CTR9: variants seen among roughly 807,000 people sequenced by gnomAD.
The protein encoded by CTR9 is CTR9 component of Paf1/RNA polymerase II complex, also known as RNA polymerase-associated protein CTR9 homolog.
In CTR9, 41 loss-of-function variants were observed where a neutral mutation model predicts 152.1. That is an observed-to-expected ratio of 0.27 (90% CI 0.21 to 0.35). The LOEUF is 0.35. Among genes scored for constraint, CTR9 ranks in the 10% least tolerant of loss-of-function variants. The pLI is 1.00. For missense variants in CTR9, 917 were observed against 1,424.4 expected (o/e 0.64, Z 5.73); for synonymous variants, 476 against 496.2 (o/e 0.96, Z 0.54).
At position 10,764,616 on chromosome 11, in the gene CTR9, C is replaced by T; in HGVS notation, c.1482C>T (p.Ala494=). The change falls in exon 12 of 25, where the codon GCC becomes GCT. Residue 494 remains alanine, a synonymous_variant. Transcript: ENST00000361367. ...EAEHDEHYYN[A]ISVTTSYNLA... The stretch of plus-strand genomic sequence containing the variant: ...AACACGATGAGCATTACTATAACGC[C>T]ATTTCCGTTACCACGTCATATAATC... The T allele has an allele frequency of 6.2e-6, 10 of 1,613,500 alleles. No homozygotes were observed. The highest frequency in any genetic ancestry group is 8.5e-6 in the Non-Finnish European group (10 of 1,179,610).
intron 19 of CTR9, 116 bp from the exon 20 acceptor site, chr11:10,772,404 A>G (rs1285260287): frequency 4.6e-6 from 4 of 861,366 alleles, no homozygotes; most frequent in Non-Finnish European, 6.4e-6. Flanking sequence ...AAGACTTCAC[A>G]TAGATCAGCT....
rs372911392 is a variant in CTR9 at position 10,751,365 on chromosome 11, G to T, written c.-48G>T. ...GGATTAGCCTGAAGCGGAGACTACC[G>T]GCTGCGGAGCGGCGGGGCGAGACAC... is the stretch of plus-strand genomic sequence containing the variant. On this transcript the variant is annotated 5_prime_UTR_variant, in exon 1 of 25. Coordinates refer to ENST00000361367, the MANE Select transcript of CTR9 (RefSeq NM_014633.5). The T allele has an allele frequency of 8.7e-6, 14 of 1,607,348 alleles. No homozygotes were observed. The highest frequency in any genetic ancestry group is 7.7e-5 in the South Asian group (7 of 90,912).
At position 10,773,169 on chromosome 11, in the gene CTR9, T is replaced by C. The variant is rs756534851; in HGVS notation, c.2623T>C (p.Leu875=). ...AGAAAAGGAAGAGCAAAAGAAACTT[T>C]TGGAACAGCGGGCCCAGTATGTGGA... ...LREKEEQKKL[L]EQRAQYVEKT... The change falls in exon 21 of 25, where the codon TTG becomes CTG. Residue 875 remains leucine (L), a synonymous_variant. Transcript: ENST00000361367. 1 of 1,610,936 alleles carries C rather than the reference T, an allele frequency of 6.2e-7. No individual in the cohort carries two copies. The highest frequency in any genetic ancestry group is 8.5e-7 in the Non-Finnish European group (1 of 1,179,388).
intron 11 of CTR9, 32 bp from the exon 12 acceptor site, chr11:10,764,516 T>G (rs779675534): frequency 2.5e-6 from 4 of 1,604,522 alleles, no homozygotes; most frequent in Non-Finnish European, 3.4e-6. Flanking sequence ...ATAAACTAAA[T>G]CTTTTAACAG....
At chr11:10,758,712 C>T (rs982397567) in intron 5 of CTR9, among the ~76,000 whole-genome samples, 48 of 151,264 alleles carry the variant, frequency 3.2e-4, no homozygotes, top group African/African-American at 1.1e-3. Context: ...CAATTTCTGC[C>T]TTTTTTTTTC....
At chr11:10,768,998 G>A (rs186162093) in intron 16 of CTR9, among the ~76,000 whole-genome samples, 1 of 152,226 alleles carries the variant, frequency 6.6e-6, no homozygotes, top group Admixed American at 6.5e-5. Flanking sequence ...TGAGGCGGAT[G>A]GATCACGAGG....
At chr11:10,772,760 C>G (rs1863164712) in intron 20 of CTR9, 105 bp downstream of exon 20, 2 of 1,184,172 alleles carry the variant, frequency 1.7e-6, no homozygotes, top group African/African-American at 1.6e-5. Context: ...TGGCTGACAC[C>G]TCTAATTCCA....
rs1590027191 is a variant in CTR9 at position 10,773,980 on chromosome 11, A to G, written c.2728-32A>G. ...TCTAACCACATTCCACCAACCAGGA[A>G]ATAACTGACTATAGTGTTGTTTGGA... is the stretch of plus-strand genomic sequence containing the variant. On this transcript the variant is annotated intron_variant, in intron 21 of 24. Coordinates refer to ENST00000361367, the MANE Select transcript of CTR9 (RefSeq NM_014633.5). 8 of 1,545,466 alleles carry G rather than the reference A, an allele frequency of 5.2e-6. No homozygotes were observed. In the East Asian group the frequency reaches 1.8e-4, roughly 35 times the overall value.
chr11:10,773,892 A>AG (rs1863186031), intron 21 of CTR9, 120 bp from the exon 22 acceptor site: 3 of 717,040 alleles, frequency 4.2e-6, no homozygotes, highest in Non-Finnish European at 6.5e-6. Context: ...CTCAAAAAAA[A>AG]AAAAAAAAAA....
At position 10,767,463 on chromosome 11, in the gene CTR9, G is replaced by A. The variant is rs1202615806; in HGVS notation, c.1687-343G>A. Reference sequence around the variant, plus strand: ...CTGTTTTATTTAACAGTGCCTTGTTGCTTTGTATGCATTTATGTCTGGATG... The same window carrying A: ...CTGTTTTATTTAACAGTGCCTTGTTACTTTGTATGCATTTATGTCTGGATG... On this transcript the variant is annotated intron_variant, in intron 13 of 24. Transcript: ENST00000361367. This position sits in a 1 kb window ranked among gnomAD's most constrained non-coding sequence, Gnocchi z 4.0. 2 of 200,968 alleles carry A rather than the reference G, an allele frequency of 1.0e-5. No individual in the cohort carries two copies. Among genetic ancestry groups the A allele is most frequent in the African/African-American group, 4.7e-5 (2 of 42,536 alleles). 12.4% of individuals were successfully genotyped at this position (200,968 alleles called of 1,614,324 possible). A position where few individuals can be genotyped will look rare whatever the true frequency, so the allele number is the denominator to read the frequency against.
intron 2 of CTR9, among the ~76,000 whole-genome samples, chr11:10,754,293 CAT>C (rs2135355067): frequency 6.6e-6 from 1 of 152,318 alleles, no homozygotes; most frequent in South Asian, 2.1e-4. Context: ...TAGAATTCTT[CAT>C]ATCTTTCACT....
chr11:10,760,026 T>C, intron 5 of CTR9, 147 bp from the exon 6 acceptor site: 1 of 796,488 alleles, frequency 1.3e-6, no homozygotes, highest in Non-Finnish European at 2.0e-6. Context: ...ACCAAGTTTG[T>C]GATAGGTCAA....
intron 2 of CTR9, among the ~76,000 whole-genome samples, chr11:10,754,592 A>T (rs1862856171): frequency 6.6e-6 from 1 of 152,036 alleles, no homozygotes; most frequent in African/African-American, 2.4e-5. Flanking sequence ...CCCACCCCTA[A>T]TCCCTGTGCC....
At chr11:10,754,723 T>C (rs1158290747) in intron 2 of CTR9, among the ~76,000 whole-genome samples, 1 of 152,208 alleles carries the variant, frequency 6.6e-6, no homozygotes, top group African/African-American at 2.4e-5. Context: ...TTCAGCATAA[T>C]TATTTTGAGA....
At chr11:10,752,093 T>G (rs1451514921) in intron 1 of CTR9, among the ~76,000 whole-genome samples, 1 of 152,242 alleles carries the variant, frequency 6.6e-6, no homozygotes, top group African/African-American at 2.4e-5. Context: ...TCTTTTATTT[T>G]TATTTTTTTT....
rs1863169705 is a variant in CTR9 at position 10,773,075 on chromosome 11, C to T, written c.2581-52C>T. The stretch of plus-strand genomic sequence containing the variant: ...CTTAGGATGGTAGCCATTAATTTTT[C>T]ATCATAAGAAAATTTGCAGTGGGGT... On this transcript the variant is annotated intron_variant, in intron 20 of 24. Transcript: ENST00000361367. The T allele has an allele frequency of 4.5e-6, 7 of 1,565,084 alleles. No individual in the cohort carries two copies. The African/African-American group carries it at 8.3e-5, about 19-fold the overall frequency.
chr11:10,774,292 C>CT, intron 22 of CTR9, 123 bp downstream of exon 22: 1 of 1,181,484 alleles, frequency 8.5e-7, no homozygotes, highest in Non-Finnish European at 1.2e-6. Flanking sequence ...GCTTTTTGTG[C>CT]CCCCACTTCC....
In CTR9 at chr11:10,775,672, A is replaced by G. The variant is rs199655321; in HGVS notation, c.3095+39A>G. 8.0e-5 allele frequency: 110 copies of G among 1,368,184 alleles called. No homozygotes were observed. In the East Asian group the frequency reaches 2.5e-3, roughly 31 times the overall value. 84.8% of individuals were successfully genotyped at this position (1,368,184 alleles called of 1,614,324 possible). ...TCTTTGTAAATTCTTCTCATGATGT[A>G]GATAAATCAAAAGTGATTACTAATC... On this transcript the variant is annotated intron_variant, in intron 24 of 24. Coordinates refer to ENST00000361367, the MANE Select transcript of CTR9 (RefSeq NM_014633.5).
chr11:10,774,401 A>G (rs1863197383), intron 22 of CTR9: 1 of 356,174 alleles, frequency 2.8e-6, no homozygotes, highest in African/African-American at 2.1e-5. Flanking sequence ...CAAGTTAGTC[A>G]TAATTGCCTT....
Sources: allele counts gnomAD v4.1 joint callset (sites outside exome capture counted in the v4.1 genomes callset), GRCh38; gene constraint gnomAD v4.1.1; non-coding constraint Gnocchi (gnomAD v3.1); transcripts MANE v1.5; gene names NCBI Gene and HGNC (gene_info 2026-07-23, HGNC 2026-07-21).